ABCA13: variants seen among roughly 807,000 people sequenced by gnomAD.
The protein encoded by ABCA13 is ATP-binding cassette sub-family A member 13.
Under a neutral mutation model 478.7 loss-of-function variants are expected in ABCA13, and 476 were observed. The ratio of observed to expected loss-of-function variants is 0.99; its 90% CI spans 0.92 to 1.07. The LOEUF (loss-of-function observed/expected upper bound fraction) is 1.07, where lower values mean the gene tolerates loss of function less well. Among genes scored for constraint, ABCA13 ranks in the 50% least tolerant of loss-of-function variants. The pLI, the probability that ABCA13 is intolerant of heterozygous loss-of-function variation, is 0.00. For missense variants in ABCA13, 6,060 were observed against 5,910.6 expected (o/e 1.03, Z -0.83); for synonymous variants, 2,252 against 2,158.9 (o/e 1.04, Z -1.20).
At position 48,248,356 on chromosome 7, in the gene ABCA13, A is replaced by G; in HGVS notation, c.1777A>G (p.Thr593Ala). ...MQLSEASLSC[T>A]RLFLLLGADP... ...GCTGTCAGAAGCAAGCCTTTCCTGT[A>G]CTCGGCTCTTCCTGCTGCTGGGAGC... Residue 593 changes from threonine to alanine, a missense_variant, in exon 14 of 62, where the codon ACT becomes GCT. By Grantham distance (58) the Thr-to-Ala change is moderately conservative. Around this residue, in one of 3 missense-constraint regions of ABCA13, gnomAD observed 4,423 missense variants for 4,309.1 expected, o/e 1.03. Coordinates refer to ENST00000435803, the MANE Select transcript of ABCA13 (RefSeq NM_152701.5). The G allele has an allele frequency of 1.9e-6, 3 of 1,613,790 alleles. No individual in the cohort carries two copies. The highest frequency in any genetic ancestry group is 2.2e-5 in the East Asian group (1 of 44,876).
intron 58 of ABCA13, among the ~76,000 whole-genome samples, chr7:48,614,137 A>G (rs1792306608): frequency 6.6e-6 from 1 of 150,686 alleles, no homozygotes; most frequent in Non-Finnish European, 1.5e-5. Context: ...TTCCATTTTC[A>G]AAATATCCAT....
intron 55 of ABCA13, among the ~76,000 whole-genome samples, chr7:48,563,063 T>C (rs1786633502): frequency 6.6e-6 from 1 of 152,164 alleles, no homozygotes; most frequent in Non-Finnish European, 1.5e-5. Context: ...TTTGGCATGA[T>C]CATTTAAAAT....
rs537813310 is a variant in ABCA13 at position 48,245,104 on chromosome 7, G to C, written c.1390+401G>C. ...TGCCTCCTCCCACCAATGCTTCTTG[G>C]TGTCCGGTAGGGAGAGTGTGTTCCC... is the stretch of plus-strand genomic sequence containing the variant. On this transcript the variant is annotated intron_variant, in intron 11 of 61. Transcript: ENST00000435803. Among the ~76,000 whole-genome samples, 13 of 152,270 alleles carry C rather than the reference G, an allele frequency of 8.5e-5. No individual in the cohort carries two copies. The South Asian group carries it at 2.7e-3, about 32-fold the overall frequency.
rs545911611 is a variant in ABCA13, at chr7:48,594,711, A to T, written c.14642A>T (p.Asp4881Val). 5 of 1,613,716 alleles carry T rather than the reference A, an allele frequency of 3.1e-6. No individual in the cohort carries two copies. The South Asian group carries it at 5.5e-5, about 18-fold the overall frequency. ...LVGKPDILLLDEPSSGMDPCS... is the reference protein window; with the variant it reads ...LVGKPDILLLVEPSSGMDPCS... ...TACTCTGTGTTGCCTTTCCTTCAGGATGAGCCCAGCTCTGGGATGGATCCC... is the reference window on the plus strand; with the variant it reads ...TACTCTGTGTTGCCTTTCCTTCAGGTTGAGCCCAGCTCTGGGATGGATCCC... The change falls in exon 58 of 62, where the codon GAT becomes GTT. Residue 4881 changes from aspartate (D) to valine (V), a missense_variant and splice_region_variant. Physicochemically the swap from Asp to Val is radical, Grantham distance 152. Transcript: ENST00000435803.
At chr7:48,488,827 G>T (rs1829580377) in intron 47 of ABCA13, among the ~76,000 whole-genome samples, 1 of 151,854 alleles carries the variant, frequency 6.6e-6, no homozygotes, top group South Asian at 2.1e-4. Flanking sequence ...GAGAAATAAT[G>T]TTCCATGTTC....
At chr7:48,559,684 A>G (rs58635193) in intron 55 of ABCA13, among the ~76,000 whole-genome samples, 21,066 of 152,098 alleles carry the variant, frequency 0.14, 1,825 homozygotes, top group African/African-American at 0.23. Flanking sequence ...TCCAAGGCCC[A>G]TGGCATATTA....
chr7:48,497,312 G>A (rs1257027642), intron 48 of ABCA13, among the ~76,000 whole-genome samples: 5 of 151,914 alleles, frequency 3.3e-5, no homozygotes. Flanking sequence ...TTTCTAATGA[G>A]ATTTTAATTT....
intron 59 of ABCA13, among the ~76,000 whole-genome samples, chr7:48,618,645 G>A (rs777595827): frequency 1.3e-5 from 2 of 152,140 alleles, no homozygotes; most frequent in Admixed American, 1.3e-4. Context: ...TGGAAGGAAG[G>A]GGTGAAATAG....
chr7:48,548,071 T>A (rs932592965), intron 55 of ABCA13, among the ~76,000 whole-genome samples: 1 of 151,950 alleles, frequency 6.6e-6, no homozygotes, highest in East Asian at 1.9e-4. Flanking sequence ...GGTTGATGCA[T>A]AGCTAGAACT....
intron 40 of ABCA13, among the ~76,000 whole-genome samples, chr7:48,412,080 C>A (rs915872197): frequency 2.6e-5 from 4 of 152,330 alleles, no homozygotes; most frequent in African/African-American, 9.6e-5. Context: ...CCTCTGGAGG[C>A]TGGCCATGGC....
In ABCA13 at chr7:48,207,569, C is replaced by G. The variant is rs560668692; in HGVS notation, c.287+9209C>G. 2.0e-5 allele frequency among the ~76,000 whole-genome samples: 3 copies of G among 152,258 alleles called. No individual in the cohort carries two copies. In the South Asian group the frequency reaches 6.2e-4, roughly 32 times the overall value. On this transcript the variant is annotated intron_variant, in intron 3 of 61. Transcript: ENST00000435803. Reference sequence around the variant, plus strand: ...TGAGTAGTGATGTTAAGCAAGTGTTCATGTCCTAGTGACCCATTTGTATGT... The same window carrying G: ...TGAGTAGTGATGTTAAGCAAGTGTTGATGTCCTAGTGACCCATTTGTATGT...
intron 4 of ABCA13, 72 bp from the exon 5 acceptor site, chr7:48,221,208 TA>T: frequency 1.3e-6 from 1 of 770,734 alleles, no homozygotes. Context: ...ACTTTAGAAT[TA>T]AAAGTAGGCA....
At chr7:48,359,239 G>A (rs1810440736) in intron 31 of ABCA13, among the ~76,000 whole-genome samples, 1 of 151,858 alleles carries the variant, frequency 6.6e-6, no homozygotes, top group African/African-American at 2.4e-5. Context: ...CTCCATTCTT[G>A]GGCAGCTTCA....
intron 42 of ABCA13, among the ~76,000 whole-genome samples, chr7:48,436,146 G>A (rs1332008206): frequency 1.3e-5 from 2 of 151,402 alleles, no homozygotes; most frequent in South Asian, 2.1e-4. Flanking sequence ...AGACATCTGA[G>A]CTTTATTTTT....
chr7:48,287,920 A>C (rs1562971884), intron 19 of ABCA13, 40 bp from the exon 20 acceptor site: 2 of 1,501,060 alleles, frequency 1.3e-6, no homozygotes, highest in African/African-American at 1.4e-5. Flanking sequence ...TCAGGAGAGG[A>C]CTGTCTATTA....
intron 45 of ABCA13, among the ~76,000 whole-genome samples, chr7:48,479,344 T>C (rs1828515453): frequency 6.6e-6 from 1 of 152,096 alleles, no homozygotes; most frequent in South Asian, 2.1e-4. Flanking sequence ...TTCAAGCAAT[T>C]CTTCTGCCTC....
At position 48,508,001 on chromosome 7, in the gene ABCA13, T is replaced by C. The variant is rs764892368; in HGVS notation, c.13476T>C (p.Ser4492=). 24 of 1,613,744 alleles carry C rather than the reference T, an allele frequency of 1.5e-5. No homozygotes were observed. The highest frequency in any genetic ancestry group is 1.8e-5 in the Non-Finnish European group (21 of 1,179,840). Reference sequence around the variant, plus strand: ...GAGCCAAAAGGTTGCAGCACATAAGTGGCCTTGGCTACAGGATGTACTGGT... The same window carrying C: ...GAGCCAAAAGGTTGCAGCACATAAGCGGCCTTGGCTACAGGATGTACTGGT... ...VIGAKRLQHI[S]GLGYRMYWFT... is the part of the protein sequence containing the mutation. Residue 4492 remains serine, a synonymous_variant, in exon 50 of 62, where the codon AGT becomes AGC. Transcript: ENST00000435803.
chr7:48,583,731 T>C (rs6974375), intron 56 of ABCA13, among the ~76,000 whole-genome samples: 36,470 of 152,186 alleles, frequency 0.24, 4,810 homozygotes, highest in Middle Eastern at 0.34. Flanking sequence ...TTTGACATTT[T>C]GGGATTTTAG....
chr7:48,275,108 G>T lies in ABCA13; in HGVS notation c.5442G>T (p.Glu1814Asp). 1 of 1,613,426 alleles carries T rather than the reference G, an allele frequency of 6.2e-7. No individual in the cohort carries two copies. Among genetic ancestry groups the T allele is most frequent in the South Asian group, 1.1e-5 (1 of 91,014 alleles). ...CAGATAAGCCAGATATTATTTCAGAGGCTTTAGCTTGTTTTCCTGTGGTTT... is the reference window on the plus strand; with the variant it reads ...CAGATAAGCCAGATATTATTTCAGATGCTTTAGCTTGTTTTCCTGTGGTTT... ...LVSDKPDIIS[E>D]ALACFPVVWC... The change falls in exon 17 of 62, where the codon GAG becomes GAT. Residue 1814 changes from glutamate (E) to aspartate (D), a missense_variant. Physicochemically the swap from Glu to Asp is conservative, Grantham distance 45. Transcript: ENST00000435803.
Sources: allele counts gnomAD v4.1 joint callset (sites outside exome capture counted in the v4.1 genomes callset), GRCh38; gene constraint gnomAD v4.1.1; regional missense constraint gnomAD v4.1.1; transcripts MANE v1.5; gene names NCBI Gene and HGNC (gene_info 2026-07-23, HGNC 2026-07-21).